Variants in INTS6 observed in about 807,000 individuals in gnomAD.
The protein encoded by INTS6 is integrator complex subunit 6.
A neutral mutation model predicts 104.9 loss-of-function variants in INTS6; 16 were observed. The ratio of observed to expected loss-of-function variants is 0.15; its 90% CI spans 0.10 to 0.23. The LOEUF is 0.23. Ranked by LOEUF, INTS6 falls within the 10% of genes least tolerant of loss-of-function variation. The pLI is 1.00. For synonymous variants in INTS6, 324 were observed against 358.7 expected, an observed-to-expected ratio of 0.90 and a Z score of 1.09; for missense variants, 584 against 1,062.8, an observed-to-expected ratio of 0.55 and a Z score of 6.26.
chr13:51,428,661 C>T (rs1001686488), intron 4 of INTS6, among the ~76,000 whole-genome samples: 1 of 152,062 alleles, frequency 6.6e-6, no homozygotes, highest in East Asian at 1.9e-4. Flanking sequence ...ATATAATCCA[C>T]GTCTACCTGT....
chr13:51,360,569 T>C (rs1286396305), downstream of INTS6, among the ~76,000 whole-genome samples: 1 of 152,116 alleles, frequency 6.6e-6, no homozygotes, highest in Non-Finnish European at 1.5e-5. Flanking sequence ...CTCTAAATTA[T>C]CACTTAGTCC....
the INTS6 span, chr13:51,341,136 C>T: frequency 5.0e-6 from 8 of 1,614,036 alleles, no homozygotes; most frequent in South Asian, 7.7e-5. Context: ...ACTCTTGCTG[C>T]CTCCGAGCAA....
chr13:51,415,558 C>T (rs899430022), intron 4 of INTS6, among the ~76,000 whole-genome samples: 1 of 152,158 alleles, frequency 6.6e-6, no homozygotes, highest in Non-Finnish European at 1.5e-5. Context: ...CTCTCTTTGC[C>T]TGCTGCCACC....
At chr13:51,441,004 A>C (rs1247555111) in intron 3 of INTS6, 2 of 152,222 alleles carry the variant, frequency 1.3e-5, no homozygotes, top group African/African-American at 4.8e-5. Flanking sequence ...ATCATCATAA[A>C]TGAGCCCCTA....
At chr13:51,398,709 T>C (rs184316598) in intron 4 of INTS6, among the ~76,000 whole-genome samples, 6 of 150,334 alleles carry the variant, frequency 4.0e-5, no homozygotes, top group Non-Finnish European at 8.9e-5. Context: ...AGAACTCTCA[T>C]ATTATTTGTA....
intron 3 of INTS6, chr13:51,442,552 C>A (rs1294387186): frequency 6.6e-6 from 1 of 152,330 alleles, no homozygotes; most frequent in Non-Finnish European, 1.5e-5. Flanking sequence ...TGGTTTATCC[C>A]CTAGATCGGG....
chr13:51,413,509 G>C (rs1169824015), intron 4 of INTS6, among the ~76,000 whole-genome samples: 1 of 152,064 alleles, frequency 6.6e-6, no homozygotes, highest in Non-Finnish European at 1.5e-5. Flanking sequence ...GTAAAGATGA[G>C]AAAACTGAAA....
rs1956092180 is a variant in INTS6, at chr13:51,383,808, T to C, written c.895-67A>G. The C allele has an allele frequency of 2.2e-6, 3 of 1,347,322 alleles. No individual in the cohort carries two copies. The East Asian group carries it at 7.1e-5, about 32-fold the overall frequency. 83.5% of individuals were successfully genotyped at this position (1,347,322 alleles called of 1,614,324 possible). A position where few individuals can be genotyped will look rare whatever the true frequency, so the allele number is the denominator to read the frequency against. ...CAGAAACAAAACTAAATATTCCTCA[T>C]TATCAAAATTTACTCAGTTCCTCCG... On this transcript the variant is annotated intron_variant, in intron 7 of 17. Coordinates refer to ENST00000311234, the MANE Select transcript of INTS6 (RefSeq NM_012141.3).
downstream of INTS6, among the ~76,000 whole-genome samples, chr13:51,353,221 ATAT>A (rs71727371): frequency 0.025 from 3,775 of 152,288 alleles, 61 homozygotes; most frequent in South Asian, 0.056. Flanking sequence ...ATGAAAAATG[ATAT>A]TATCCAGTTT....
At chr13:51,381,620 C>A (rs970464708) in intron 10 of INTS6, among the ~76,000 whole-genome samples, 1 of 151,920 alleles carries the variant, frequency 6.6e-6, no homozygotes, top group African/African-American at 2.4e-5. Context: ...ATTTTCATGT[C>A]ATTTAATCTA....
the INTS6 span, chr13:51,348,684 G>C: frequency 4.5e-6 from 1 of 222,490 alleles, no homozygotes; most frequent in South Asian, 6.4e-5. Flanking sequence ...GGCTGGAATG[G>C]AGCCCCCCAG....
downstream of INTS6, chr13:51,361,555 C>A: frequency 3.4e-6 from 2 of 585,166 alleles, no homozygotes; most frequent in Non-Finnish European, 6.0e-6. Context: ...AGATATCCAT[C>A]CCATAAAAAT....
the INTS6 span, chr13:51,339,812 G>A: frequency 2.0e-5 from 3 of 152,212 alleles, no homozygotes; most frequent in African/African-American, 7.2e-5. Context: ...GGGGCATCAA[G>A]GTCTGATTGC....
At chr13:51,344,219 C>T in the INTS6 span, 24 of 1,537,150 alleles carry the variant, frequency 1.6e-5, no homozygotes, top group African/African-American at 1.9e-4. Context: ...TCACACTCAC[C>T]ATTGTCAACT....
At chr13:51,432,256 A>G (rs1214799335) in intron 3 of INTS6, among the ~76,000 whole-genome samples, 1 of 152,110 alleles carries the variant, frequency 6.6e-6, no homozygotes, top group African/African-American at 2.4e-5. Flanking sequence ...TTAAAATTGG[A>G]TTTGAGTGGT....
At chr13:51,345,263 C>T in the INTS6 span, among the ~76,000 whole-genome samples, 2 of 152,038 alleles carry the variant, frequency 1.3e-5, no homozygotes, top group Admixed American at 6.6e-5. Flanking sequence ...CCAGGTGGTC[C>T]GGCTCCAGCA....
chr13:51,363,227 T>C lies in INTS6; in HGVS notation c.*2525A>G, dbSNP rs1386616839. On this transcript the variant is annotated 3_prime_UTR_variant, in exon 18 of 18. Coordinates refer to ENST00000311234, the MANE Select transcript of INTS6 (RefSeq NM_012141.3). ...AAACAAGGAAAAGACACACCACTAT[T>C]TCAATGGTAGGAGTTTTCAGAACTG... is the stretch of plus-strand genomic sequence containing the variant. 1 of 151,882 alleles carries C rather than the reference T, an allele frequency of 6.6e-6. No homozygotes were observed. Among genetic ancestry groups the C allele is most frequent in the Non-Finnish European group, 1.5e-5 (1 of 67,892 alleles). 9.4% of individuals were successfully genotyped at this position (151,882 alleles called of 1,614,324 possible). A position where few individuals can be genotyped will look rare whatever the true frequency, so the allele number is the denominator to read the frequency against.
At chr13:51,434,634 G>A (rs926444080) in intron 3 of INTS6, among the ~76,000 whole-genome samples, 18 of 152,034 alleles carry the variant, frequency 1.2e-4, no homozygotes, top group African/African-American at 4.1e-4. Flanking sequence ...CAGGAAAAAT[G>A]TGCCCCCATC....
chr13:51,349,566 C>T (rs1018626125), downstream of INTS6, among the ~76,000 whole-genome samples: 13 of 152,256 alleles, frequency 8.5e-5, no homozygotes, highest in Admixed American at 7.8e-4. Context: ...GAGGCTGGTG[C>T]GAGAATTCGC....
Sources: allele counts gnomAD v4.1 joint callset (sites outside exome capture counted in the v4.1 genomes callset), GRCh38; gene constraint gnomAD v4.1.1; transcripts MANE v1.5; gene names NCBI Gene and HGNC (gene_info 2026-07-23, HGNC 2026-07-21).